FGGY: variants seen among roughly 807,000 people sequenced by gnomAD.
FGGY encodes the protein FGGY carbohydrate kinase domain containing, also known as FGGY carbohydrate kinase domain-containing protein.
Under a neutral mutation model 71.3 loss-of-function variants are expected in FGGY, and 72 were observed. That is an observed-to-expected ratio of 1.01 (90% confidence interval 0.84 to 1.23). The LOEUF (loss-of-function observed/expected upper bound fraction) is 1.23. Among genes scored for constraint, FGGY ranks in the 50% most tolerant of loss-of-function variants. FGGY has a pLI of 0.00. For missense variants in FGGY, 668 were observed against 682.3 expected (o/e 0.98, Z 0.23); for synonymous variants, 251 against 250.3 (o/e 1.00, Z -0.02).
At chr1:59,591,847 A>C (rs923453455) in intron 8 of FGGY, among the ~76,000 whole-genome samples, 9 of 152,236 alleles carry the variant, frequency 5.9e-5, no homozygotes, top group Non-Finnish European at 7.4e-5. Context: ...TAGAAGAAAA[A>C]CTAGGCATTA....
intron 5 of FGGY, among the ~76,000 whole-genome samples, chr1:59,424,693 G>A (rs2153450216): frequency 6.6e-6 from 1 of 152,326 alleles, no homozygotes; most frequent in Middle Eastern, 3.4e-3. Flanking sequence ...CCTGAGGACA[G>A]GGACTTTGTC....
intron 1 of FGGY, among the ~76,000 whole-genome samples, chr1:59,300,687 G>GC (rs148006994): frequency 6.7e-6 from 1 of 149,810 alleles, no homozygotes; most frequent in Non-Finnish European, 1.5e-5. Context: ...ATGGAATCAA[G>GC]TTTTTTTTTT....
chr1:59,637,419 G>C (rs144165246), intron 10 of FGGY, among the ~76,000 whole-genome samples: 2 of 152,068 alleles, frequency 1.3e-5, no homozygotes, highest in African/African-American at 4.8e-5. Flanking sequence ...GATCACCTGA[G>C]GTCAGGGGTT....
At chr1:59,650,278 G>T (rs2097144224) in intron 11 of FGGY, among the ~76,000 whole-genome samples, 1 of 143,650 alleles carries the variant, frequency 7.0e-6, no homozygotes, top group South Asian at 2.1e-4. Context: ...AATGCGTTAG[G>T]GAGGATTCCG....
At chr1:59,462,722 T>G (rs528293750) in intron 6 of FGGY, among the ~76,000 whole-genome samples, 1,866 of 152,208 alleles carry the variant, frequency 0.012, 15 homozygotes, top group Non-Finnish European at 0.019. Flanking sequence ...CATCATCACT[T>G]GCCATCAGAG....
At chr1:59,545,175 C>A (rs1030220491) in intron 7 of FGGY, among the ~76,000 whole-genome samples, 7 of 152,198 alleles carry the variant, frequency 4.6e-5, no homozygotes, top group African/African-American at 1.7e-4. Context: ...CAACTTTCAT[C>A]TTTAGATTTC....
At chr1:59,440,410 G>A (rs1358935599) in intron 5 of FGGY, among the ~76,000 whole-genome samples, 1 of 152,028 alleles carries the variant, frequency 6.6e-6, no homozygotes, top group Admixed American at 6.6e-5. Context: ...TCTTTTGTTT[G>A]TGGGTGGCTT....
rs879791779 is a variant in FGGY, at chr1:59,673,753, TAGC to T, written c.1418-282_1418-280del. 68 of 342,634 alleles carry T rather than the reference TAGC, an allele frequency of 2.0e-4. 2 individuals are homozygous for T. In the East Asian group the frequency reaches 2.5e-3, roughly 13 times the overall value. The allele number at this position is 342,634 out of a possible 1,614,324, so 21.2% of individuals were successfully genotyped here. ...ATCTGAACTTGAATCAAATGGCAGGTAGCAGCTTGCAGAAGCCTGAAAAACCTG... is the reference window on the plus strand; with the variant it reads ...ATCTGAACTTGAATCAAATGGCAGGTAGCTTGCAGAAGCCTGAAAAACCTG... On this transcript the variant is annotated intron_variant, in intron 13 of 15. Transcript: ENST00000303721.
chr1:59,596,059 C>A (rs1041244129), intron 8 of FGGY, among the ~76,000 whole-genome samples: 4 of 152,202 alleles, frequency 2.6e-5, no homozygotes, highest in Non-Finnish European at 5.9e-5. Context: ...AGAGTACAGG[C>A]AGAGGTTAAG....
At chr1:59,528,117 AC>A (rs1297561631) in intron 7 of FGGY, among the ~76,000 whole-genome samples, 1 of 152,246 alleles carries the variant, frequency 6.6e-6, no homozygotes, top group African/African-American at 2.4e-5. Flanking sequence ...AGAGGGGCAG[AC>A]TAATTAGACT....
chr1:59,448,803 G>GAAATA, intron 5 of FGGY, among the ~76,000 whole-genome samples: 1 of 152,218 alleles, frequency 6.6e-6, no homozygotes, highest in South Asian at 2.1e-4. Context: ...AGAGCATCAA[G>GAAATA]AAATAAAATA....
At chr1:59,443,273 TA>T (rs1338721124) in intron 5 of FGGY, among the ~76,000 whole-genome samples, 1 of 152,172 alleles carries the variant, frequency 6.6e-6, no homozygotes, top group Non-Finnish European at 1.5e-5. Flanking sequence ...AGGCCAGAAT[TA>T]ATCATAAAGG....
chr1:59,699,711 A>C (rs2097694200), intron 14 of FGGY, among the ~76,000 whole-genome samples: 1 of 152,242 alleles, frequency 6.6e-6, no homozygotes, highest in Admixed American at 6.5e-5. Context: ...AGTTATTGAT[A>C]AAACAACATC....
intron 1 of FGGY, among the ~76,000 whole-genome samples, chr1:59,316,876 T>G (rs950512488): frequency 2.6e-5 from 4 of 152,216 alleles, no homozygotes; most frequent in African/African-American, 9.6e-5. Context: ...TCTTTCCGCC[T>G]GACCACCCTC....
chr1:59,590,035 C>T (rs12732721), intron 8 of FGGY, among the ~76,000 whole-genome samples: 18,508 of 151,270 alleles, frequency 0.12, 1,297 homozygotes, highest in South Asian at 0.3. Context: ...ATTGATAGAT[C>T]GCTAGCAAGA....
intron 14 of FGGY, among the ~76,000 whole-genome samples, chr1:59,723,570 G>GT (rs967335155): frequency 2.7e-5 from 4 of 148,760 alleles, no homozygotes; most frequent in African/African-American, 5.0e-5. Context: ...TTTTGGGGGG[G>GT]GGTGGTTGGG....
chr1:59,300,928 T>G (rs562975153), intron 1 of FGGY, among the ~76,000 whole-genome samples: 2 of 152,340 alleles, frequency 1.3e-5, no homozygotes, highest in African/African-American at 4.8e-5. Flanking sequence ...AATTTTGTTC[T>G]TTTTAAAATT....
chr1:59,388,687 T>C (rs1485199543), intron 5 of FGGY, among the ~76,000 whole-genome samples: 1 of 152,212 alleles, frequency 6.6e-6, no homozygotes, highest in Non-Finnish European at 1.5e-5. Context: ...TAATTACATA[T>C]AATTCACATA....
At chr1:59,344,735 T>C (rs2051455550) in intron 3 of FGGY, among the ~76,000 whole-genome samples, 1 of 152,196 alleles carries the variant, frequency 6.6e-6, no homozygotes, top group South Asian at 2.1e-4. Flanking sequence ...TAATACCTAA[T>C]GTTAGGTAAA....
Sources: gnomAD v4.1 joint callset for allele counts (sites outside exome capture counted in the v4.1 genomes callset) on GRCh38, gnomAD v4.1.1 for gene constraint, MANE v1.5 for transcripts, NCBI Gene and HGNC (gene_info 2026-07-23, HGNC 2026-07-21) for gene names.